Variants in NFIB observed in about 807,000 individuals in gnomAD.
NFIB encodes nuclear factor I B, also known as nuclear factor 1 B-type.
NFIB carries 11 observed loss-of-function variants against 61.5 expected under a neutral mutation model. That is an observed-to-expected ratio of 0.18 (90% CI 0.11 to 0.30). The LOEUF (loss-of-function observed/expected upper bound fraction) is 0.30, where lower values mean the gene tolerates loss of function less well. NFIB is among the 10% of genes least tolerant of loss of function. NFIB has a pLI of 1.00. For synonymous variants in NFIB, 260 were observed against 216.5 expected (o/e 1.20, Z -1.76); for missense variants, 471 against 608.9 (o/e 0.77, Z 2.38).
At chr9:14,239,743 T>C (rs898580402) in intron 2 of NFIB, among the ~76,000 whole-genome samples, 4 of 152,164 alleles carry the variant, frequency 2.6e-5, no homozygotes, top group Non-Finnish European at 4.4e-5. Flanking sequence ...GAAATTTCTA[T>C]CTACAAAAAG....
At chr9:14,111,822 C>T (rs2037421588) in intron 10 of NFIB, among the ~76,000 whole-genome samples, 1 of 151,972 alleles carries the variant, frequency 6.6e-6, no homozygotes, top group East Asian at 1.9e-4. Flanking sequence ...TTTTTTTAAA[C>T]CTGGCAAAAC....
Position 14,374,910 on chromosome 9 carries a change from A to AAAAT in NFIB, c.108+23610_108+23613dup, listed in dbSNP as rs541331905. On this transcript the variant is annotated intron_variant, in intron 1 of 8. Transcript: ENST00000380934. ...GGGCAACAGAGCTAGACTCTGTCTC[A>AAAAT]AAATAAATAAATAAATAAATAAATA... Among the ~76,000 whole-genome samples, 1,320 of 152,078 alleles carry AAAAT rather than the reference A, an allele frequency of 8.7e-3. 11 individuals carry two copies. The highest frequency in any genetic ancestry group is 0.013 in the South Asian group (62 of 4,808).
intron 6 of NFIB, among the ~76,000 whole-genome samples, chr9:14,133,196 TTTTC>T (rs2040609580): frequency 1.3e-5 from 2 of 151,830 alleles, no homozygotes; most frequent in South Asian, 4.1e-4. Flanking sequence ...TTTAAAAGAG[TTTTC>T]TAGATAAACA....
intron 2 of NFIB, among the ~76,000 whole-genome samples, chr9:14,216,677 T>C (rs2050963135): frequency 6.6e-6 from 1 of 151,858 alleles, no homozygotes. Context: ...TCCAAAGGAC[T>C]CATGTCACCA....
chr9:14,120,379 T>C lies in NFIB; in HGVS notation c.1245+61A>G. On this transcript the variant is annotated intron_variant, in intron 8 of 10. Coordinates refer to ENST00000380953, the MANE Select transcript of NFIB (RefSeq NM_001190737.2). The surrounding 1 kb of genome is among the most constrained non-coding windows in gnomAD (Gnocchi z 4.4). Reference sequence around the variant, plus strand: ...ACACTGTCTGACTAACCTTTGTGTCTCAGAATTAGATCTGTCCCATCTCCC... The same window carrying C: ...ACACTGTCTGACTAACCTTTGTGTCCCAGAATTAGATCTGTCCCATCTCCC... 1.3e-6 allele frequency: 2 copies of C among 1,553,374 alleles called. No individual in the cohort carries two copies. Among genetic ancestry groups the C allele is most frequent in the Non-Finnish European group, 1.8e-6 (2 of 1,126,366 alleles).
intron 2 of NFIB, among the ~76,000 whole-genome samples, chr9:14,213,466 T>C (rs371639015): frequency 2.6e-5 from 4 of 152,356 alleles, no homozygotes; most frequent in African/African-American, 7.2e-5. Context: ...ACAGAGTTTC[T>C]GGCCCATCCT....
At chr9:14,367,538 T>C (rs1041165269) in intron 1 of NFIB, among the ~76,000 whole-genome samples, 2 of 152,130 alleles carry the variant, frequency 1.3e-5, no homozygotes, top group Non-Finnish European at 2.9e-5. Context: ...TCCATGAATA[T>C]GGGTGTGTAT....
rs527325108 is a variant in NFIB at position 14,293,597 on chromosome 9, G to A, written c.562+13392C>T. 5.9e-5 allele frequency among the ~76,000 whole-genome samples: 9 copies of A among 152,308 alleles called. No individual in the cohort carries two copies. In the East Asian group the frequency reaches 1.7e-3, roughly 29 times the overall value. The stretch of plus-strand genomic sequence containing the variant: ...ATGATGATGCTTTCTGAACATAAGT[G>A]CGGAGTCTATCATTAACTTAGACCA... On this transcript the variant is annotated intron_variant, in intron 2 of 10. Coordinates refer to ENST00000380953, the MANE Select transcript of NFIB (RefSeq NM_001190737.2).
At chr9:14,161,337 T>A (rs1357456656) in intron 3 of NFIB, among the ~76,000 whole-genome samples, 1 of 152,132 alleles carries the variant, frequency 6.6e-6, no homozygotes, top group Non-Finnish European at 1.5e-5. Flanking sequence ...CAGGTTAACA[T>A]TCAAATATTA....
chr9:14,503,197 G>A, the NFIB span, among the ~76,000 whole-genome samples: 1 of 150,988 alleles, frequency 6.6e-6, no homozygotes, highest in Non-Finnish European at 1.5e-5. Context: ...TTGATTGATG[G>A]GCATTTGGGC....
Position 14,117,146 on chromosome 9 carries a change from A to G in NFIB, c.1246-800T>C, listed in dbSNP as rs10961381. On this transcript the variant is annotated intron_variant, in intron 8 of 10. Coordinates refer to ENST00000380953, the MANE Select transcript of NFIB (RefSeq NM_001190737.2). ...GGAAGCAGAGGACAAGCAAATGAGC[A>G]TTGTTATTTGAGTTACTCTTACATC... is the stretch of plus-strand genomic sequence containing the variant. Among the ~76,000 whole-genome samples, 1,795 of 152,326 alleles carry G rather than the reference A, an allele frequency of 0.012. 158 individuals carry two copies. The East Asian group carries it at 0.23, about 19-fold the overall frequency.
chr9:14,389,586 C>G (rs1490270767), intron 1 of NFIB, among the ~76,000 whole-genome samples: 1 of 152,112 alleles, frequency 6.6e-6, no homozygotes, highest in Admixed American at 6.5e-5. Flanking sequence ...AACATTACAG[C>G]AAATTGGTAA....
chr9:14,153,511 A>C (rs4615686), intron 4 of NFIB, among the ~76,000 whole-genome samples: 284 of 152,112 alleles, frequency 1.9e-3, no homozygotes, highest in Non-Finnish European at 3.5e-3. Context: ...GCACCAAAGA[A>C]CCTCAGATTC....
chr9:14,320,042 CCAAAAA>C (rs2060627583), intron 1 of NFIB, among the ~76,000 whole-genome samples: 1 of 152,046 alleles, frequency 6.6e-6, no homozygotes, highest in Non-Finnish European at 1.5e-5. Flanking sequence ...GTCAAAAACT[CCAAAAA>C]CAAAGTTACA....
intron 10 of NFIB, among the ~76,000 whole-genome samples, chr9:14,107,550 C>T (rs1307790122): frequency 1.3e-5 from 2 of 152,160 alleles, no homozygotes; most frequent in East Asian, 3.9e-4. Context: ...GAGGCTACTA[C>T]AACTTGTAAA....
At chr9:14,387,535 T>C (rs1465740443) in intron 1 of NFIB, among the ~76,000 whole-genome samples, 1 of 151,976 alleles carries the variant, frequency 6.6e-6, no homozygotes, top group East Asian at 1.9e-4. Flanking sequence ...AACAAACAAC[T>C]CAATGGAAAA....
At chr9:14,253,434 T>C (rs553881335) in intron 2 of NFIB, among the ~76,000 whole-genome samples, 114 of 152,262 alleles carry the variant, frequency 7.5e-4, no homozygotes, top group African/African-American at 2.7e-3. Context: ...AGCCTGGAAG[T>C]GTGTGGTTTT....
Position 14,085,644 on chromosome 9 carries a change from A to G in NFIB, c.*2665T>C, listed in dbSNP as rs2032748974. 2 of 219,928 alleles carry G rather than the reference A, an allele frequency of 9.1e-6. No homozygotes were observed. Among genetic ancestry groups the G allele is most frequent in the South Asian group, 3.7e-4 (2 of 5,436 alleles). 13.6% of individuals were successfully genotyped at this position (219,928 alleles called of 1,614,324 possible). A position where few individuals can be genotyped will look rare whatever the true frequency, so the allele number is the denominator to read the frequency against. On this transcript the variant is annotated 3_prime_UTR_variant, in exon 11 of 11. Coordinates refer to ENST00000380953, the MANE Select transcript of NFIB (RefSeq NM_001190737.2). ...AAAAATTGAACTTTGATTTTAATCT[A>G]TCAGTCCAAATACATTCAACAATAG...
At chr9:14,210,624 T>A (rs10756541) in intron 2 of NFIB, among the ~76,000 whole-genome samples, 3 of 151,624 alleles carry the variant, frequency 2.0e-5, no homozygotes, top group Admixed American at 2.0e-4. Context: ...GTCAATTACT[T>A]CTGATGGTTA....
Sources: allele counts gnomAD v4.1 joint callset (sites outside exome capture counted in the v4.1 genomes callset), GRCh38; gene constraint gnomAD v4.1.1; non-coding constraint Gnocchi (gnomAD v3.1); transcripts MANE v1.5; gene names NCBI Gene and HGNC (gene_info 2026-07-23, HGNC 2026-07-21).